The following PNCK variants were observed in gnomAD, a reference collection of about 807,000 sequenced individuals.
PNCK encodes the protein pregnancy up-regulated nonubiquitous CaM kinase.
A neutral mutation model predicts 28.3 loss-of-function variants in PNCK; 21 were observed. That is an observed-to-expected ratio of 0.74 (90% confidence interval 0.53 to 1.07). The LOEUF (loss-of-function observed/expected upper bound fraction) is 1.07. Among genes scored for constraint, PNCK ranks in the 50% least tolerant of loss-of-function variants. PNCK has a pLI of 0.00. For missense variants in PNCK, 250 were observed against 298.3 expected (o/e 0.84, Z 1.19); for synonymous variants, 136 against 125.2 (o/e 1.09, Z -0.58).
chrX:153,673,742 C>G, intron 1 of PNCK, 38 bp downstream of exon 1: 71 of 728,186 alleles, frequency 9.8e-5, no homozygotes, highest in Non-Finnish European at 1.1e-4. Context: ...GGTGCGCCCC[C>G]GCCCCGCGCG....
chrX:153,674,536 T>C (rs1368965723), upstream of PNCK: 3 of 149,480 alleles, frequency 2.0e-5, no homozygotes, highest in Non-Finnish European at 3.9e-5. Flanking sequence ...TCGGCTCAAA[T>C]GTCCCCTCCT....
At chrX:153,671,711 C>T (rs1557039930) in intron 5 of PNCK, 39 bp from the exon 6 acceptor site, 2 of 1,170,465 alleles carry the variant, frequency 1.7e-6, no homozygotes, top group Non-Finnish European at 1.1e-6. Context: ...CCAGTCAGTC[C>T]TGACGCGGTG....
Position 153,669,874 on chromosome X carries a change from C to T in PNCK, c.*264G>A. ...ACAGCCCCTGAGGCCCGCCTGCCAG[C>T]ACCCCCTCGGCTTTTGGCGGGGCGG... On this transcript the variant is annotated 3_prime_UTR_variant, in exon 12 of 12. Coordinates refer to ENST00000340888, the MANE Select transcript of PNCK (RefSeq NM_001366977.1). The T allele has an allele frequency of 2.9e-6, 1 of 342,011 alleles. No homozygotes were observed. The allele number at this position is 342,011 out of a possible 1,213,427, so 28.2% of individuals were successfully genotyped here.
chrX:153,673,271 C>T (rs782739843), intron 1 of PNCK, 193 bp from the exon 2 acceptor site: 5 of 1,199,018 alleles, frequency 4.2e-6, no homozygotes, highest in Non-Finnish European at 5.6e-6. Context: ...GCCTCCACAT[C>T]CCAGGCCTAC....
chrX:153,669,934 G>A lies in PNCK; in HGVS notation c.*204C>T, dbSNP rs918415228. The A allele has an allele frequency of 3.6e-5, 12 of 337,815 alleles. No individual in the cohort carries two copies. Among genetic ancestry groups the A allele is most frequent in the African/African-American group, 3.2e-4 (12 of 37,865 alleles). 27.8% of individuals were successfully genotyped at this position (337,815 alleles called of 1,213,427 possible). ...GGGCGGGAGAGGCAACAGGGGAGGG[G>A]AGCCACTGCCCCCAGGCAGGGCAGA... On this transcript the variant is annotated 3_prime_UTR_variant, in exon 12 of 12. Coordinates refer to ENST00000340888, the MANE Select transcript of PNCK (RefSeq NM_001366977.1).
chrX:153,672,864 C>T (rs1557040514), intron 2 of PNCK, 145 bp downstream of exon 2: 2 of 935,264 alleles, frequency 2.1e-6, no homozygotes, highest in Non-Finnish European at 2.9e-6. Context: ...CACAGACTCA[C>T]TCACATTCAC....
chrX:153,670,216 C>T (rs781849094), intron 11 of PNCK, 86 bp from the exon 12 acceptor site: 8 of 446,952 alleles, frequency 1.8e-5, no homozygotes, highest in South Asian at 6.7e-5. Context: ...GGTCAAATCC[C>T]GGACTTCTTA....
At chrX:153,678,381 G>A (rs1557042032), upstream of PNCK, among the ~76,000 whole-genome samples, 4 of 111,473 alleles carry the variant, frequency 3.6e-5, no homozygotes. Context: ...TTGAGCCTAG[G>A]AGGTCAAGGC....
upstream of PNCK, among the ~76,000 whole-genome samples, chrX:153,676,779 G>A (rs2091368076): frequency 9.2e-6 from 1 of 108,909 alleles, no homozygotes; most frequent in Non-Finnish European, 1.9e-5. Context: ...CAGGAGAATA[G>A]CTTGAACCTG....
At position 153,672,580 on chromosome X, in the gene PNCK, G is replaced by A. The variant is rs1250985797; in HGVS notation, c.186C>T (p.Ile62=). The A allele has an allele frequency of 5.8e-6, 7 of 1,205,870 alleles. No homozygotes were observed. In the East Asian group the frequency reaches 1.8e-4, roughly 31 times the overall value. The change falls in exon 3 of 12, where the codon ATC becomes ATT. Residue 62 remains isoleucine, a synonymous_variant. Coordinates refer to ENST00000340888, the MANE Select transcript of PNCK (RefSeq NM_001366977.1). The stretch of plus-strand genomic sequence containing the variant: ...GAGGTGCGCACCTACGGAGCACTGC[G>A]ATCTCGTTCTCCACCAGGGCCTCCT... The part of the protein sequence containing the change: ...RGKEALVENE[I]AVLRRISHPN...
chrX:153,671,871 G>C lies in PNCK; in HGVS notation c.414+9C>G, dbSNP rs190959710. On this transcript the variant is annotated intron_variant, in intron 5 of 11. Coordinates refer to ENST00000340888, the MANE Select transcript of PNCK (RefSeq NM_001366977.1). ...GGGAGGGTGGGGTGCAGAGGCCCCA[G>C]CCAGGCACCTTGAGGTCCCGGTGCA... is the stretch of plus-strand genomic sequence containing the variant. 1 of 1,207,059 alleles carries C rather than the reference G, an allele frequency of 8.3e-7. No homozygotes were observed.
rs782745110 is a variant in PNCK, at chrX:153,681,028, CAAAAAAAAA to C, written c.-3+6394_-3+6402del. Among the ~76,000 whole-genome samples the C allele has an allele frequency of 7.6e-3, 231 of 30,215 alleles. 3 individuals carry two copies. Among genetic ancestry groups the C allele is most frequent in the African/African-American group, 0.022 (223 of 10,370 alleles). 26.2% of individuals were successfully genotyped at this position (30,215 alleles called of 115,157 possible). A position where few individuals can be genotyped will look rare whatever the true frequency, so the allele number is the denominator to read the frequency against. On this transcript the variant is annotated intron_variant, in intron 1 of 3. Transcript: ENST00000419804. ...TGGGCAACAGAGTGAGAACCTGTCTCAAAAAAAAAAAAAAAAAAAAAAGGACAAAGGACA... is the reference window on the plus strand; with the variant it reads ...TGGGCAACAGAGTGAGAACCTGTCTCAAAAAAAAAAAAAGGACAAAGGACA...
chrX:153,679,738 AT>A (rs1474989896), upstream of PNCK, among the ~76,000 whole-genome samples: 1 of 108,091 alleles, frequency 9.3e-6, no homozygotes, highest in Non-Finnish European at 1.9e-5. Flanking sequence ...TGCCCAGCTA[AT>A]TTTTGTATTT....
At chrX:153,677,268 T>C (rs368675915), upstream of PNCK, among the ~76,000 whole-genome samples, 2 of 111,622 alleles carry the variant, frequency 1.8e-5, no homozygotes, top group East Asian at 5.6e-4. Context: ...CGTTCATCAC[T>C]GCATGTGTGT....
chrX:153,673,105 G>A (rs1557040700), intron 1 of PNCK, 27 bp from the exon 2 acceptor site: 4 of 1,172,780 alleles, frequency 3.4e-6, no homozygotes, highest in Non-Finnish European at 4.6e-6. Flanking sequence ...GAGGTGATGG[G>A]GGTCTCTCCC....
chrX:153,674,402 G>T, upstream of PNCK: 1 of 347,180 alleles, frequency 2.9e-6, no homozygotes. Flanking sequence ...GACTGCCCTG[G>T]CCCCTCCTCC....
At position 153,672,866 on chromosome X, in the gene PNCK, C is replaced by T. The variant is rs1557040516; in HGVS notation, c.68+143G>A. ...ACACATGCCATCTCACAGACTCACT[C>T]ACATTCACACACCCCTACATATTCA... is the stretch of plus-strand genomic sequence containing the variant. On this transcript the variant is annotated intron_variant, in intron 2 of 11. Transcript: ENST00000340888. The T allele has an allele frequency of 3.2e-6, 3 of 928,117 alleles. No individual in the cohort carries two copies. In the Admixed American group the frequency reaches 8.4e-5, roughly 26 times the overall value. The allele number at this position is 928,117 out of a possible 1,213,427, so 76.5% of individuals were successfully genotyped here. A position where few individuals can be genotyped will look rare whatever the true frequency, so the allele number is the denominator to read the frequency against.
At chrX:153,670,159 G>T in intron 11 of PNCK, 29 bp from the exon 12 acceptor site, 1 of 383,838 alleles carries the variant, frequency 2.6e-6, no homozygotes, top group Non-Finnish European at 4.6e-6. Flanking sequence ...GGGAAAGGGG[G>T]TAGTCAGGAG....
At chrX:153,671,790 A>C in intron 5 of PNCK, 90 bp downstream of exon 5, 1 of 1,172,218 alleles carries the variant, frequency 8.5e-7, no homozygotes, top group Non-Finnish European at 1.1e-6. Flanking sequence ...GCAGGAGATC[A>C]AGAAAGGCCC....
Sources: allele counts gnomAD v4.1 joint callset (sites outside exome capture counted in the v4.1 genomes callset), GRCh38; gene constraint gnomAD v4.1.1; transcripts MANE v1.5; gene names NCBI Gene and HGNC (gene_info 2026-07-23, HGNC 2026-07-21).